Variants in PPP2R2A observed in about 807,000 individuals in gnomAD.
The protein encoded by PPP2R2A is serine/threonine-protein phosphatase 2A 55 kDa regulatory subunit B alpha isoform.
PPP2R2A carries 9 observed loss-of-function variants against 53.2 expected under a neutral mutation model. The ratio of observed to expected loss-of-function variants is 0.17; its 90% CI spans 0.10 to 0.30. The LOEUF (loss-of-function observed/expected upper bound fraction) is 0.30. Ranked by LOEUF, PPP2R2A falls within the 10% of genes least tolerant of loss-of-function variation. The pLI is 1.00. For missense variants in PPP2R2A, 235 were observed against 534.6 expected, an observed-to-expected ratio of 0.44 and a Z score of 5.53; for synonymous variants, 169 against 174.2, an observed-to-expected ratio of 0.97 and a Z score of 0.23.
At chr8:26,347,261 T>C (rs975855858) in intron 3 of PPP2R2A, among the ~76,000 whole-genome samples, 3 of 152,038 alleles carry the variant, frequency 2.0e-5, no homozygotes, top group Admixed American at 1.3e-4. Flanking sequence ...CCAGGTTAGA[T>C]TGAAATTCCA....
At chr8:26,361,289 T>G (rs955466959) in intron 6 of PPP2R2A, 138 bp downstream of exon 6, 1 of 696,406 alleles carries the variant, frequency 1.4e-6, no homozygotes, top group Non-Finnish European at 2.2e-6. Context: ...TTTTTTTCTT[T>G]GTAGATGAGT....
rs71551870 is a variant in PPP2R2A, at chr8:26,346,117, G to GTTATTATTATTA, written c.180+7151_180+7162dup. Among the ~76,000 whole-genome samples, 584 of 144,428 alleles carry GTTATTATTATTA rather than the reference G, an allele frequency of 4.0e-3. 6 individuals carry two copies. Among genetic ancestry groups the GTTATTATTATTA allele is most frequent in the African/African-American group, 0.012 (485 of 39,194 alleles). The allele number at this position is 144,428 out of a possible 152,430, so 94.8% of individuals were successfully genotyped here. ...CACCCATTCACAGATTACCAGTCGGGTTATTATTATTATTATTATTATTAT... is the reference window on the plus strand; with the variant it reads ...CACCCATTCACAGATTACCAGTCGGGTTATTATTATTATTATTATTATTATTATTATTATTAT... On this transcript the variant is annotated intron_variant, in intron 3 of 9. Transcript: ENST00000380737.
At chr8:26,305,536 A>C (rs1801979266) in intron 2 of PPP2R2A, among the ~76,000 whole-genome samples, 1 of 152,162 alleles carries the variant, frequency 6.6e-6, no homozygotes, top group Admixed American at 6.5e-5. Flanking sequence ...GGGAGGGGGC[A>C]GAGCTAAGGT....
At chr8:26,325,780 G>C (rs1438369792) in intron 2 of PPP2R2A, among the ~76,000 whole-genome samples, 1 of 152,114 alleles carries the variant, frequency 6.6e-6, no homozygotes, top group Non-Finnish European at 1.5e-5. Flanking sequence ...TAATAGTTTT[G>C]TTGTGATGAT....
At chr8:26,336,103 T>C (rs753190117) in intron 2 of PPP2R2A, among the ~76,000 whole-genome samples, 2 of 152,192 alleles carry the variant, frequency 1.3e-5, no homozygotes, top group African/African-American at 2.4e-5. Flanking sequence ...TACTTGATTC[T>C]TGTTCTGTCT....
chr8:26,306,996 G>T (rs866458533), intron 2 of PPP2R2A, among the ~76,000 whole-genome samples: 1 of 152,038 alleles, frequency 6.6e-6, no homozygotes, highest in Non-Finnish European at 1.5e-5. Flanking sequence ...TTTTAACAGC[G>T]CATCTTTATC....
intron 7 of PPP2R2A, chr8:26,363,369 C>T (rs1805215149): frequency 1.1e-5 from 2 of 184,356 alleles, no homozygotes; most frequent in African/African-American, 2.3e-5. Flanking sequence ...TTGGGATGGG[C>T]GAGGATGGTG....
intron 2 of PPP2R2A, 32 bp downstream of exon 2, chr8:26,293,772 T>C: frequency 6.2e-7 from 1 of 1,600,814 alleles, no homozygotes; most frequent in Non-Finnish European, 8.6e-7. Context: ...AATTTGGATA[T>C]ATAATTTTTG....
rs181891415 is a variant in PPP2R2A at position 26,292,522 on chromosome 8, G to T, written c.7+696G>T. On this transcript the variant is annotated intron_variant, in intron 1 of 9. Coordinates refer to ENST00000380737, the MANE Select transcript of PPP2R2A (RefSeq NM_002717.4). ...TTGCAGATGTCCTTTTCCCAAAAGGGTTTGGTAGAGTTAGTTAAAATAGTT... is the reference window on the plus strand; with the variant it reads ...TTGCAGATGTCCTTTTCCCAAAAGGTTTTGGTAGAGTTAGTTAAAATAGTT... The T allele has an allele frequency of 3.2e-4, 265 of 840,142 alleles. 1 individual carries two copies. In the African/African-American group the frequency reaches 4.7e-3, roughly 15 times the overall value. The allele number at this position is 840,142 out of a possible 1,614,324, so 52.0% of individuals were successfully genotyped here. A position where few individuals can be genotyped will look rare whatever the true frequency, so the allele number is the denominator to read the frequency against.
At chr8:26,369,124 TACAC>T (rs375380252) in intron 9 of PPP2R2A, among the ~76,000 whole-genome samples, 5 of 149,304 alleles carry the variant, frequency 3.3e-5, no homozygotes, top group East Asian at 2.0e-4. Context: ...AAAAAAATTA[TACAC>T]ACACACACAC....
chr8:26,294,497 A>G (rs1244497934), intron 2 of PPP2R2A, among the ~76,000 whole-genome samples: 2 of 152,202 alleles, frequency 1.3e-5, no homozygotes, highest in Non-Finnish European at 2.9e-5. Flanking sequence ...GGCATTTTCC[A>G]CAAAGTTGTT....
chr8:26,337,591 T>C (rs1563307787), intron 2 of PPP2R2A, among the ~76,000 whole-genome samples: 1 of 152,234 alleles, frequency 6.6e-6, no homozygotes, highest in Non-Finnish European at 1.5e-5. Context: ...TACTGGTGTT[T>C]GGCTTTATGT....
chr8:26,305,378 G>A (rs530794497), intron 2 of PPP2R2A, among the ~76,000 whole-genome samples: 46 of 152,198 alleles, frequency 3.0e-4, no homozygotes, highest in African/African-American at 1.0e-3. Context: ...TATGGGGTTC[G>A]GTGGGAAGGA....
intron 9 of PPP2R2A, among the ~76,000 whole-genome samples, chr8:26,369,758 G>C (rs976266840): frequency 2.6e-5 from 4 of 152,200 alleles, no homozygotes; most frequent in Non-Finnish European, 5.9e-5. Flanking sequence ...TTCATGCGGG[G>C]TTCTTTTGTT....
At chr8:26,366,249 T>G in intron 8 of PPP2R2A, 66 bp from the exon 9 acceptor site, 1 of 1,324,444 alleles carries the variant, frequency 7.6e-7, no homozygotes, top group Middle Eastern at 1.9e-4. Flanking sequence ...TTTTTCTTTT[T>G]AAAGATATGG....
chr8:26,338,449 A>G lies in PPP2R2A; in HGVS notation c.83-441A>G, dbSNP rs1435974211. Among the ~76,000 whole-genome samples the G allele has an allele frequency of 6.6e-6, 1 of 152,230 alleles. No homozygotes were observed. The highest frequency in any genetic ancestry group is 1.9e-4 in the East Asian group (1 of 5,208). On this transcript the variant is annotated intron_variant, in intron 2 of 9. Coordinates refer to ENST00000380737, the MANE Select transcript of PPP2R2A (RefSeq NM_002717.4). This position sits in a 1 kb window ranked among gnomAD's most constrained non-coding sequence, Gnocchi z 4.5. ...TTTATGACTTAAAATTCCATCTAAA[A>G]GTATTTTTACATTTAAAATTCCCTC...
chr8:26,292,176 C>A, intron 1 of PPP2R2A: 1 of 1,174,162 alleles, frequency 8.5e-7, no homozygotes, highest in Non-Finnish European at 1.1e-6. Context: ...CCCACCTTGC[C>A]CCCCGCCTTT....
At chr8:26,332,378 A>G (rs973322307) in intron 2 of PPP2R2A, among the ~76,000 whole-genome samples, 30 of 150,754 alleles carry the variant, frequency 2.0e-4, no homozygotes, top group African/African-American at 3.6e-4. Flanking sequence ...AAAAAAAAAA[A>G]AAGAAGAAGA....
chr8:26,363,013 G>A, intron 7 of PPP2R2A, 165 bp downstream of exon 7: 1 of 603,290 alleles, frequency 1.7e-6, no homozygotes, highest in African/African-American at 1.9e-5. Flanking sequence ...GGCATTCCAG[G>A]TTATTCCTGG....
Sources: gnomAD v4.1 joint callset for allele counts (sites outside exome capture counted in the v4.1 genomes callset) on GRCh38, gnomAD v4.1.1 for gene constraint, Gnocchi (gnomAD v3.1) non-coding constraint, MANE v1.5 for transcripts, NCBI Gene and HGNC (gene_info 2026-07-23, HGNC 2026-07-21) for gene names.